CDH13: variants seen among roughly 807,000 people sequenced by gnomAD.
CDH13 encodes the protein cadherin-13.
CDH13 carries 24 observed loss-of-function variants against 63.8 expected under a neutral mutation model. The observed-to-expected ratio is 0.38, with a 90% CI of 0.27 to 0.53. CDH13 has a LOEUF of 0.53. Among genes scored for constraint, CDH13 ranks in the 20% least tolerant of loss-of-function variants. The pLI, the probability that CDH13 is intolerant of heterozygous loss-of-function variation, is 0.85. For synonymous variants in CDH13, 503 were observed against 355.3 expected, an observed-to-expected ratio of 1.42 and a Z score of -4.67; for missense variants, 1,049 against 903.1, an observed-to-expected ratio of 1.16 and a Z score of -2.07.
At chr16:83,385,725 C>T (rs912738429) in intron 6 of CDH13, among the ~76,000 whole-genome samples, 1 of 152,112 alleles carries the variant, frequency 6.6e-6, no homozygotes, top group Admixed American at 6.5e-5. Context: ...CCCAGCATAA[C>T]TACAGGAGAG....
rs186014002 is a variant in CDH13, at chr16:82,959,804, A to G, written c.158-72206A>G. 2.6e-4 allele frequency among the ~76,000 whole-genome samples: 40 copies of G among 152,228 alleles called. 1 individual carries two copies. The highest frequency in any genetic ancestry group is 2.1e-3 in the Admixed American group (32 of 15,288). Reference sequence around the variant, plus strand: ...CGGTTGTTGTTGTTTTTAACCCTCTACCTGCTGAAAGACATCTGGTTTGCT... The same window carrying G: ...CGGTTGTTGTTGTTTTTAACCCTCTGCCTGCTGAAAGACATCTGGTTTGCT... On this transcript the variant is annotated intron_variant, in intron 2 of 13. Coordinates refer to ENST00000567109, the MANE Select transcript of CDH13 (RefSeq NM_001257.5).
At chr16:82,766,015 G>C (rs1250771732) in intron 1 of CDH13, among the ~76,000 whole-genome samples, 1 of 152,170 alleles carries the variant, frequency 6.6e-6, no homozygotes, top group Non-Finnish European at 1.5e-5. Flanking sequence ...GAAATCTACA[G>C]CAACTCTTTA....
chr16:83,448,326 C>A (rs1240246666), intron 6 of CDH13, among the ~76,000 whole-genome samples: 1 of 152,054 alleles, frequency 6.6e-6, no homozygotes, highest in Non-Finnish European at 1.5e-5. Flanking sequence ...GGTAGCTAGA[C>A]ATATAAATGC....
intron 7 of CDH13, among the ~76,000 whole-genome samples, chr16:83,559,407 A>G (rs377592303): frequency 6.6e-6 from 1 of 152,124 alleles, no homozygotes; most frequent in African/African-American, 2.4e-5. Context: ...CCCTGTCTCT[A>G]CTAAAAATAT....
At chr16:83,621,780 C>T (rs1322379764) in intron 8 of CDH13, among the ~76,000 whole-genome samples, 3 of 150,100 alleles carry the variant, frequency 2.0e-5, no homozygotes, top group South Asian at 2.1e-4. Context: ...AGCCACCGCA[C>T]GCAGCCACCT....
At position 83,631,514 on chromosome 16, in the gene CDH13, G is replaced by A. The variant is rs188006953; in HGVS notation, c.1101+28920G>A. 5.9e-5 allele frequency among the ~76,000 whole-genome samples: 9 copies of A among 152,142 alleles called. No individual in the cohort carries two copies. The East Asian group carries it at 1.2e-3, about 20-fold the overall frequency. ...GGGGAAGGTGGGTTCTCCTGATCTC[G>A]GGAAGATCCACAGCAAAATGATGGA... On this transcript the variant is annotated intron_variant, in intron 8 of 13. Transcript: ENST00000567109.
chr16:83,409,155 A>G (rs2092090193), intron 6 of CDH13, among the ~76,000 whole-genome samples: 1 of 152,194 alleles, frequency 6.6e-6, no homozygotes, highest in African/African-American at 2.4e-5. Context: ...TAACGTAACC[A>G]GCCAGCTGCT....
At chr16:83,700,175 C>G (rs1906005819) in intron 10 of CDH13, among the ~76,000 whole-genome samples, 1 of 152,172 alleles carries the variant, frequency 6.6e-6, no homozygotes, top group African/African-American at 2.4e-5. Flanking sequence ...TAAATTGAAT[C>G]ATAAAGTATG....
At chr16:82,802,040 G>A (rs765091832) in intron 1 of CDH13, among the ~76,000 whole-genome samples, 10 of 152,160 alleles carry the variant, frequency 6.6e-5, no homozygotes, top group African/African-American at 9.7e-5. Context: ...AGGATCTCTG[G>A]AAGACTACAT....
chr16:83,327,928 C>T (rs922225154), intron 5 of CDH13, among the ~76,000 whole-genome samples: 3 of 152,044 alleles, frequency 2.0e-5, no homozygotes, highest in South Asian at 2.1e-4. Context: ...GTCAGGAGAT[C>T]GAGACCATCC....
rs543397911 is a variant in CDH13, at chr16:82,706,173, C to T, written c.45+79036C>T. On this transcript the variant is annotated intron_variant, in intron 1 of 13. Transcript: ENST00000567109. ...CCGCCTCCCTTCTCCCTTTTTCGCT[C>T]CCTCTTTCCCTTCACAAACATTTAT... Among the ~76,000 whole-genome samples, 46 of 152,162 alleles carry T rather than the reference C, an allele frequency of 3.0e-4. No homozygotes were observed. The South Asian group carries it at 3.7e-3, about 12-fold the overall frequency.
intron 6 of CDH13, among the ~76,000 whole-genome samples, chr16:83,384,301 G>A (rs986805414): frequency 6.6e-6 from 1 of 152,110 alleles, no homozygotes; most frequent in Non-Finnish European, 1.5e-5. Context: ...TCTGCTGACT[G>A]CCACCTCTGC....
At chr16:83,412,789 C>A (rs1262596453) in intron 6 of CDH13, among the ~76,000 whole-genome samples, 1 of 152,202 alleles carries the variant, frequency 6.6e-6, no homozygotes, top group Non-Finnish European at 1.5e-5. Flanking sequence ...TGCACATAAG[C>A]CATGCATTTA....
chr16:83,222,492 G>C (rs182387375), intron 5 of CDH13, among the ~76,000 whole-genome samples: 1 of 152,190 alleles, frequency 6.6e-6, no homozygotes, highest in Non-Finnish European at 1.5e-5. Flanking sequence ...ACCCATATTA[G>C]AGAGTTATTT....
chr16:83,483,051 A>G (rs1464884467), intron 6 of CDH13, among the ~76,000 whole-genome samples: 1 of 152,182 alleles, frequency 6.6e-6, no homozygotes, highest in African/African-American at 2.4e-5. Flanking sequence ...AATCCTCACA[A>G]CAACCAAAGG....
At chr16:82,851,573 C>A (rs11150500) in intron 1 of CDH13, among the ~76,000 whole-genome samples, 1 of 151,860 alleles carries the variant, frequency 6.6e-6, no homozygotes, top group African/African-American at 2.4e-5. Flanking sequence ...TGACCAGAAA[C>A]GTGTCAGGTT....
At chr16:83,779,053 T>G (rs1048274992) in intron 11 of CDH13, among the ~76,000 whole-genome samples, 8 of 152,178 alleles carry the variant, frequency 5.3e-5, no homozygotes, top group Non-Finnish European at 1.0e-4. Flanking sequence ...AATGACTTTT[T>G]AGTGTGTGTC....
intron 6 of CDH13, among the ~76,000 whole-genome samples, chr16:83,447,154 C>A (rs2072728203): frequency 8.5e-6 from 1 of 117,480 alleles, no homozygotes; most frequent in South Asian, 2.9e-4. Context: ...GTGGCTCACG[C>A]CTGTAATCCC....
intron 10 of CDH13, chr16:83,717,084 G>A (rs254322): frequency 1 from 152,123 of 152,134 alleles, 76,056 homozygotes; most frequent in Middle Eastern, 1. Context: ...ACATGGTGAA[G>A]CCCCGTCTCT....
Sources: gnomAD v4.1 joint callset for allele counts (sites outside exome capture counted in the v4.1 genomes callset) on GRCh38, gnomAD v4.1.1 for gene constraint, MANE v1.5 for transcripts, NCBI Gene and HGNC (gene_info 2026-07-23, HGNC 2026-07-21) for gene names.